Variants in MAF observed in about 807,000 individuals in gnomAD.
The protein encoded by MAF is MAF bZIP transcription factor, also known as transcription factor Maf.
In MAF, 10 loss-of-function variants were observed where a neutral mutation model predicts 22.0. That is an observed-to-expected ratio of 0.45 (90% CI 0.28 to 0.77). MAF has a LOEUF of 0.77. Among genes scored for constraint, MAF ranks in the 30% least tolerant of loss-of-function variants. The pLI is 0.12. For missense variants in MAF, 544 were observed against 548.4 expected, an observed-to-expected ratio of 0.99 and a Z score of 0.08; for synonymous variants, 337 against 255.8, an observed-to-expected ratio of 1.32 and a Z score of -3.03.
At chr16:79,257,835 C>T in the MAF span, among the ~76,000 whole-genome samples, 1 of 152,026 alleles carries the variant, frequency 6.6e-6, no homozygotes, top group African/African-American at 2.4e-5. Flanking sequence ...GACGAGAAAG[C>T]CATACTTATA....
chr16:79,331,870 A>G, the MAF span, among the ~76,000 whole-genome samples: 1 of 152,144 alleles, frequency 6.6e-6, no homozygotes, highest in Non-Finnish European at 1.5e-5. Context: ...CTCTGCTCTA[A>G]GCATGTCCTC....
downstream of MAF, among the ~76,000 whole-genome samples, chr16:79,582,791 G>C (rs9923828): frequency 0.016 from 2,482 of 152,306 alleles, 74 homozygotes; most frequent in African/African-American, 0.056. Context: ...GGATAGATGG[G>C]TCTCTGCTCC....
the MAF span, among the ~76,000 whole-genome samples, chr16:79,217,823 G>C: frequency 3.3e-5 from 5 of 152,080 alleles, no homozygotes; most frequent in Middle Eastern, 3.4e-3. Context: ...GCTGTGGCTT[G>C]TGGTTTTGCT....
the MAF span, among the ~76,000 whole-genome samples, chr16:79,425,557 T>C: frequency 6.6e-6 from 1 of 152,182 alleles, no homozygotes; most frequent in African/African-American, 2.4e-5. Context: ...ATAGTTGCTA[T>C]GAAAATCAGT....
chr16:79,273,735 C>A, the MAF span, among the ~76,000 whole-genome samples: 3 of 152,288 alleles, frequency 2.0e-5, no homozygotes, highest in Admixed American at 6.5e-5. Flanking sequence ...TATGCCCACC[C>A]AGATAGTCCA....
At chr16:79,482,709 C>T in the MAF span, among the ~76,000 whole-genome samples, 2 of 152,090 alleles carry the variant, frequency 1.3e-5, no homozygotes, top group South Asian at 4.1e-4. Flanking sequence ...AGGTAATCAC[C>T]AGTCTCCCAG....
the MAF span, among the ~76,000 whole-genome samples, chr16:79,412,736 T>C: frequency 2.4e-4 from 36 of 152,264 alleles, no homozygotes; most frequent in African/African-American, 8.7e-4. Flanking sequence ...GGAAGTAACA[T>C]GTATGAAAGG....
At chr16:79,379,435 C>T in the MAF span, among the ~76,000 whole-genome samples, 1 of 151,892 alleles carries the variant, frequency 6.6e-6, no homozygotes, top group African/African-American at 2.4e-5. Flanking sequence ...AAAAGTATTT[C>T]TAAGATCTGG....
At chr16:79,435,429 T>C in the MAF span, among the ~76,000 whole-genome samples, 39 of 152,340 alleles carry the variant, frequency 2.6e-4, no homozygotes, top group African/African-American at 8.9e-4. Context: ...TGTGGTCAAA[T>C]AGATGCGGTC....
chr16:79,543,233 T>C, the MAF span, among the ~76,000 whole-genome samples: 1 of 152,116 alleles, frequency 6.6e-6, no homozygotes, highest in Admixed American at 6.5e-5. Flanking sequence ...GCTAGCTGGG[T>C]CTGTCCATAT....
chr16:79,219,575 A>AAAAT, the MAF span, among the ~76,000 whole-genome samples: 42 of 125,586 alleles, frequency 3.3e-4, no homozygotes, highest in African/African-American at 1.3e-3. Flanking sequence ...AAAAAAAAAA[A>AAAAT]AGACTCACAG....
At chr16:79,425,550 G>T in the MAF span, among the ~76,000 whole-genome samples, 1 of 152,102 alleles carries the variant, frequency 6.6e-6, no homozygotes, top group African/African-American at 2.4e-5. Context: ...TTAAAACATA[G>T]TTGCTATGAA....
chr16:79,448,968 T>A, the MAF span, among the ~76,000 whole-genome samples: 1 of 152,134 alleles, frequency 6.6e-6, no homozygotes, highest in Non-Finnish European at 1.5e-5. Flanking sequence ...GTATATATAA[T>A]GAAATAATTA....
At chr16:79,568,546 T>C in the MAF span, among the ~76,000 whole-genome samples, 1 of 152,192 alleles carries the variant, frequency 6.6e-6, no homozygotes, top group South Asian at 2.1e-4. Flanking sequence ...GCTAGAAACA[T>C]GAGGTAAAAA....
chr16:79,211,807 G>C, the MAF span: 1 of 1,613,998 alleles, frequency 6.2e-7, no homozygotes, highest in Non-Finnish European at 8.5e-7. Context: ...GTGGAGCTCA[G>C]AGCGGATGGG....
At chr16:79,207,494 T>C in the MAF span, among the ~76,000 whole-genome samples, 730 of 152,310 alleles carry the variant, frequency 4.8e-3, 6 homozygotes, top group African/African-American at 0.017. Flanking sequence ...TAACTCTACT[T>C]TTTGCATAAG....
At chr16:79,228,020 G>A in the MAF span, among the ~76,000 whole-genome samples, 1 of 152,004 alleles carries the variant, frequency 6.6e-6, no homozygotes, top group Non-Finnish European at 1.5e-5. Context: ...CCTCTCACCT[G>A]AGCCTCCCAA....
the MAF span, among the ~76,000 whole-genome samples, chr16:79,227,405 A>T: frequency 6.6e-6 from 1 of 152,052 alleles, no homozygotes; most frequent in Non-Finnish European, 1.5e-5. Flanking sequence ...ATTACCTTTC[A>T]TTGCTGTGTG....
the MAF span, among the ~76,000 whole-genome samples, chr16:79,562,571 A>G: frequency 6.6e-6 from 1 of 152,210 alleles, no homozygotes; most frequent in Non-Finnish European, 1.5e-5. Flanking sequence ...AACTAACACC[A>G]CAGAAGGTCT....
Sources: allele counts gnomAD v4.1 joint callset (sites outside exome capture counted in the v4.1 genomes callset), GRCh38; gene constraint gnomAD v4.1.1; transcripts MANE v1.5; gene names NCBI Gene and HGNC (gene_info 2026-07-23, HGNC 2026-07-21).